The following AOPEP variants were observed in gnomAD, a reference collection of about 807,000 sequenced individuals.
AOPEP encodes aminopeptidase O (putative).
AOPEP carries 77 observed loss-of-function variants against 98.1 expected under a neutral mutation model. The observed-to-expected ratio is 0.78, with a 90% CI of 0.65 to 0.95. The LOEUF (loss-of-function observed/expected upper bound fraction) is 0.95, where lower values mean the gene tolerates loss of function less well. Ranked by LOEUF, AOPEP falls within the 40% of genes least tolerant of loss-of-function variation. The pLI is 0.00. For synonymous variants in AOPEP, 346 were observed against 365.3 expected, an observed-to-expected ratio of 0.95 and a Z score of 0.60; for missense variants, 1,024 against 1,024.7, an observed-to-expected ratio of 1.00 and a Z score of 0.01.
At chr9:94,961,000 C>T (rs896446515) in intron 9 of AOPEP, among the ~76,000 whole-genome samples, 34 of 133,706 alleles carry the variant, frequency 2.5e-4, no homozygotes, top group African/African-American at 1.0e-3. Context: ...GGCGACAGAG[C>T]GAGAATCTGT....
the AOPEP span, among the ~76,000 whole-genome samples, chr9:95,141,929 A>G: frequency 1.3e-5 from 2 of 151,932 alleles, no homozygotes; most frequent in African/African-American, 2.4e-5. Flanking sequence ...ATTGTCAAAA[A>G]TAATACAATT....
chr9:94,845,055 G>A (rs933404452), intron 5 of AOPEP, among the ~76,000 whole-genome samples: 4 of 152,194 alleles, frequency 2.6e-5, no homozygotes, highest in African/African-American at 9.7e-5. Flanking sequence ...ATTGCATATG[G>A]AACTTGAGTT....
intron 13 of AOPEP, among the ~76,000 whole-genome samples, chr9:95,025,720 A>G (rs7022452): frequency 0.77 from 116,949 of 152,192 alleles, 47,024 homozygotes; most frequent in Non-Finnish European, 0.89. Flanking sequence ...TTTAGGTTAC[A>G]TGAGCTAAAG....
intron 5 of AOPEP, among the ~76,000 whole-genome samples, chr9:94,850,804 T>C (rs1249607364): frequency 6.6e-6 from 1 of 152,206 alleles, no homozygotes; most frequent in Non-Finnish European, 1.5e-5. Flanking sequence ...TCCTGGTTCA[T>C]CTAAGCTGAT....
rs10993346 is a variant in AOPEP at position 94,791,353 on chromosome 9, G to A, written c.965-1412G>A. 1.2e-3 allele frequency among the ~76,000 whole-genome samples: 184 copies of A among 152,070 alleles called. 6 individuals are homozygous for A. In the East Asian group the frequency reaches 0.03, roughly 24 times the overall value. On this transcript the variant is annotated intron_variant, in intron 3 of 16. Transcript: ENST00000375315. ...AGGGCCTGCTTGAGGGTGGAGGGTG[G>A]GAGGAGGGTGAGGACAGAAAAACTA...
At chr9:94,857,990 T>G (rs937661087) in intron 5 of AOPEP, among the ~76,000 whole-genome samples, 3 of 151,984 alleles carry the variant, frequency 2.0e-5, no homozygotes, top group Admixed American at 6.5e-5. Context: ...TATAGCTCAC[T>G]GCAACCTCCA....
intron 5 of AOPEP, among the ~76,000 whole-genome samples, chr9:94,869,172 T>C (rs2046042535): frequency 6.6e-6 from 1 of 152,182 alleles, no homozygotes. Flanking sequence ...GAGGCTGCAG[T>C]GAGCCAAGAC....
At chr9:94,818,083 A>G (rs1852101173) in intron 5 of AOPEP, among the ~76,000 whole-genome samples, 1 of 152,152 alleles carries the variant, frequency 6.6e-6, no homozygotes, top group Non-Finnish European at 1.5e-5. Flanking sequence ...AAGATGATGG[A>G]GAGAGAGCTC....
chr9:95,137,269 G>T, the AOPEP span, among the ~76,000 whole-genome samples: 2 of 152,244 alleles, frequency 1.3e-5, no homozygotes, highest in South Asian at 4.1e-4. Context: ...CTGCTTGCTT[G>T]GTGTAGCTCC....
chr9:94,823,842 A>C (rs895497018), intron 5 of AOPEP, among the ~76,000 whole-genome samples: 2 of 152,202 alleles, frequency 1.3e-5, no homozygotes, highest in African/African-American at 2.4e-5. Context: ...AACCCTAGGC[A>C]TTGCCAAGCT....
intron 3 of AOPEP, among the ~76,000 whole-genome samples, chr9:94,774,061 ATTTTTAT>A (rs1841504935): frequency 1.3e-5 from 2 of 152,154 alleles, no homozygotes; most frequent in African/African-American, 4.8e-5. Context: ...GCCAGGAAAC[ATTTTTAT>A]AGTTATATTA....
chr9:94,846,095 TA>T (rs35421127), intron 5 of AOPEP, among the ~76,000 whole-genome samples: 82,698 of 144,604 alleles, frequency 0.57, 23,697 homozygotes, highest in Non-Finnish European at 0.64. Flanking sequence ...GACTCCATCT[TA>T]AAAAAAAAAA....
intron 5 of AOPEP, among the ~76,000 whole-genome samples, chr9:94,806,948 G>A (rs1469642190): frequency 6.6e-6 from 1 of 152,170 alleles, no homozygotes; most frequent in Non-Finnish European, 1.5e-5. Flanking sequence ...TCTTGTGATG[G>A]CTGTCAAGAG....
At chr9:94,730,416 T>C (rs768187468) in intron 1 of AOPEP, among the ~76,000 whole-genome samples, 3 of 152,148 alleles carry the variant, frequency 2.0e-5, no homozygotes, top group Non-Finnish European at 4.4e-5. Context: ...CATCCAGGCC[T>C]GTTTCCTAAC....
chr9:95,022,800 A>C (rs1212198191), intron 13 of AOPEP, among the ~76,000 whole-genome samples: 6 of 152,120 alleles, frequency 3.9e-5, no homozygotes, highest in African/African-American at 1.2e-4. Context: ...TAGCAGGAAA[A>C]ATGTTTGTCT....
downstream of AOPEP, among the ~76,000 whole-genome samples, chr9:95,090,318 C>T (rs769052902): frequency 2.6e-5 from 4 of 152,252 alleles, no homozygotes; most frequent in Non-Finnish European, 4.4e-5. Flanking sequence ...GGGTCCAGTC[C>T]TTCCCCCTGA....
At chr9:94,969,656 C>T (rs2059420163) in intron 10 of AOPEP, among the ~76,000 whole-genome samples, 1 of 152,222 alleles carries the variant, frequency 6.6e-6, no homozygotes, top group Non-Finnish European at 1.5e-5. Context: ...ATCTGCCCGC[C>T]TCGGCCTCCC....
intron 11 of AOPEP, 95 bp from the exon 12 acceptor site, chr9:95,005,063 G>A: frequency 2.0e-6 from 1 of 509,860 alleles, no homozygotes; most frequent in Non-Finnish European, 2.6e-6. Flanking sequence ...GGCCGCGGGC[G>A]AGGTACGGGG....
chr9:94,953,991 G>A (rs572939252), intron 7 of AOPEP, among the ~76,000 whole-genome samples: 1 of 152,134 alleles, frequency 6.6e-6, no homozygotes, highest in African/African-American at 2.4e-5. Flanking sequence ...GGAGAATAAG[G>A]AGTCGCTGGT....
Sources: allele counts gnomAD v4.1 joint callset (sites outside exome capture counted in the v4.1 genomes callset), GRCh38; gene constraint gnomAD v4.1.1; transcripts MANE v1.5; gene names NCBI Gene and HGNC (gene_info 2026-07-23, HGNC 2026-07-21).